Variants in C1orf105 observed in about 807,000 individuals in gnomAD.
The protein encoded by C1orf105 is chromosome 1 open reading frame 105, also known as uncharacterized protein C1orf105.
A neutral mutation model predicts 20.8 loss-of-function variants in C1orf105; 17 were observed. The observed-to-expected ratio is 0.82, with a 90% CI of 0.56 to 1.23. C1orf105 has a LOEUF of 1.23. C1orf105 is among the 50% of genes most tolerant of loss of function. The pLI is 0.00. For synonymous variants in C1orf105, 72 were observed against 72.1 expected, an observed-to-expected ratio of 1.00 and a Z score of 0.01; for missense variants, 219 against 213.5, an observed-to-expected ratio of 1.03 and a Z score of -0.16.
intron 1 of C1orf105, among the ~76,000 whole-genome samples, chr1:172,423,397 A>G (rs936437519): frequency 2.0e-5 from 3 of 152,188 alleles, no homozygotes; most frequent in African/African-American, 7.2e-5. Flanking sequence ...TGGTACCTCT[A>G]TGAGTCTGCA....
At chr1:172,439,560 G>A (rs569680009) in intron 1 of C1orf105, among the ~76,000 whole-genome samples, 1 of 152,224 alleles carries the variant, frequency 6.6e-6, no homozygotes, top group East Asian at 1.9e-4. Flanking sequence ...ACCAAATTGT[G>A]TAAGATCAGG....
chr1:172,463,288 C>T (rs1649823436), intron 5 of C1orf105, among the ~76,000 whole-genome samples: 1 of 152,142 alleles, frequency 6.6e-6, no homozygotes, highest in Admixed American at 6.6e-5. Context: ...ATCTAATGCC[C>T]ATTTTAATTT....
rs201429163 is a variant in C1orf105 at position 172,442,510 on chromosome 1, C to T, written c.22-2563C>T. 1.4e-4 allele frequency: 219 copies of T among 1,614,194 alleles called. 2 individuals carry two copies. Among genetic ancestry groups the T allele is most frequent in the Middle Eastern group, 1.2e-3 (7 of 6,062 alleles). On this transcript the variant is annotated intron_variant, in intron 1 of 6. Coordinates refer to ENST00000367727, the MANE Select transcript of C1orf105 (RefSeq NM_139240.4). ...GTATTTCCGAGCATGGATGTTTTTC[C>T]GGAGCTCTTCCAGGAATCGCCGGTC...
At chr1:172,456,277 C>T (rs1435275675) in intron 3 of C1orf105, 138 bp from the exon 4 acceptor site, 4 of 732,366 alleles carry the variant, frequency 5.5e-6, no homozygotes, top group Non-Finnish European at 9.6e-6. Context: ...CTGGATGGGG[C>T]TGAGACCAGA....
chr1:172,455,941 G>A (rs765112445), intron 3 of C1orf105, among the ~76,000 whole-genome samples: 15 of 152,020 alleles, frequency 9.9e-5, no homozygotes, highest in Non-Finnish European at 1.3e-4. Flanking sequence ...GGAAAGGCCC[G>A]TGAAAAAAAG....
chr1:172,430,524 T>C (rs1393636487), intron 1 of C1orf105, among the ~76,000 whole-genome samples: 1 of 152,210 alleles, frequency 6.6e-6, no homozygotes, highest in Non-Finnish European at 1.5e-5. Flanking sequence ...CACTGCATTC[T>C]CGACCTCCTG....
chr1:172,456,403 C>G lies in C1orf105; in HGVS notation c.199-12C>G, dbSNP rs777083468. ...CATTTCCTCACCTCTCTCTGTCTCT[C>G]TTTCCCCTCAGGCCAGGAGGAACCA... On this transcript the variant is annotated splice_polypyrimidine_tract_variant and intron_variant, in intron 3 of 6. Transcript: ENST00000367727. The G allele has an allele frequency of 1.2e-6, 2 of 1,611,134 alleles. No homozygotes were observed. The highest frequency in any genetic ancestry group is 8.5e-7 in the Non-Finnish European group (1 of 1,179,054).
chr1:172,444,174 CCTCCGGT>C, intron 1 of C1orf105: 1 of 986,802 alleles, frequency 1.0e-6, no homozygotes, highest in Non-Finnish European at 1.2e-6. Context: ...GCTCGAAGGA[CCTCCGGT>C]CTCCTCTCCT....
At chr1:172,435,185 C>G (rs1194025329) in intron 1 of C1orf105, among the ~76,000 whole-genome samples, 1 of 152,178 alleles carries the variant, frequency 6.6e-6, no homozygotes, top group African/African-American at 2.4e-5. Context: ...GGAGCTGGTA[C>G]CATTCCTTCT....
Position 172,448,583 on chromosome 1 carries a change from T to C in C1orf105, c.198+52T>C, listed in dbSNP as rs749158674. Reference sequence around the variant, plus strand: ...AACCAACAGCAGTTCTAGAATGACATAGAATATGAATACATGTCCCATCTC... The same window carrying C: ...AACCAACAGCAGTTCTAGAATGACACAGAATATGAATACATGTCCCATCTC... On this transcript the variant is annotated intron_variant, in intron 3 of 6. Transcript: ENST00000367727. The C allele has an allele frequency of 4.8e-6, 5 of 1,041,934 alleles. No individual in the cohort carries two copies. The African/African-American group carries it at 7.8e-5, about 16-fold the overall frequency. The allele number at this position is 1,041,934 out of a possible 1,614,324, so 64.5% of individuals were successfully genotyped here.
intron 1 of C1orf105, chr1:172,441,858 GGCAAA>G (rs1285310366): frequency 6.2e-7 from 1 of 1,614,018 alleles, no homozygotes; most frequent in Non-Finnish European, 8.5e-7. Context: ...TCAGCAGAAG[GGCAAA>G]GAGTACGGCT....
At chr1:172,455,586 T>C (rs894674821) in intron 3 of C1orf105, among the ~76,000 whole-genome samples, 1 of 152,216 alleles carries the variant, frequency 6.6e-6, no homozygotes, top group Non-Finnish European at 1.5e-5. Flanking sequence ...AAGCAAACTT[T>C]TATCAGAGAT....
At chr1:172,458,123 C>T (rs1649435538) in intron 4 of C1orf105, among the ~76,000 whole-genome samples, 1 of 152,180 alleles carries the variant, frequency 6.6e-6, no homozygotes, top group Non-Finnish European at 1.5e-5. Context: ...TAACACCCTA[C>T]TTAATGGTAA....
chr1:172,444,070 G>T, intron 1 of C1orf105: 1 of 998,692 alleles, frequency 1.0e-6, no homozygotes. Context: ...CTGCGACTGT[G>T]GCCAAGCACT....
chr1:172,458,215 A>T (rs533174244), intron 4 of C1orf105, among the ~76,000 whole-genome samples: 3 of 152,350 alleles, frequency 2.0e-5, no homozygotes, highest in Admixed American at 6.5e-5. Flanking sequence ...TTTACTATAC[A>T]TTCTAGCCAG....
chr1:172,448,621 C>G, intron 3 of C1orf105, 90 bp downstream of exon 3: 1 of 754,614 alleles, frequency 1.3e-6, no homozygotes, highest in South Asian at 1.5e-5. Flanking sequence ...TAGCACAGCC[C>G]TGTGCTTGGT....
chr1:172,424,427 G>T (rs1219466134), intron 1 of C1orf105, among the ~76,000 whole-genome samples: 1 of 152,166 alleles, frequency 6.6e-6, no homozygotes, highest in Non-Finnish European at 1.5e-5. Flanking sequence ...GTCTTGCTCT[G>T]TCACCCAGGC....
chr1:172,426,519 A>AC (rs1438860152), intron 1 of C1orf105, among the ~76,000 whole-genome samples: 1 of 149,414 alleles, frequency 6.7e-6, no homozygotes, highest in African/African-American at 2.5e-5. Context: ...TTGGTAATCC[A>AC]CCCTCACCCT....
intron 1 of C1orf105, among the ~76,000 whole-genome samples, chr1:172,425,616 C>T (rs960134209): frequency 3.9e-5 from 6 of 152,154 alleles, no homozygotes; most frequent in Admixed American, 6.5e-5. Flanking sequence ...CCCTGGCTCT[C>T]ACCTAAGCTC....
Sources: gnomAD v4.1 joint callset for allele counts (sites outside exome capture counted in the v4.1 genomes callset) on GRCh38, gnomAD v4.1.1 for gene constraint, MANE v1.5 for transcripts, NCBI Gene and HGNC (gene_info 2026-07-23, HGNC 2026-07-21) for gene names.